The following CNTN3 variants were observed in gnomAD, a reference collection of about 807,000 sequenced individuals.
The protein encoded by CNTN3 is contactin-3.
Under a neutral mutation model 119.1 loss-of-function variants are expected in CNTN3, and 60 were observed. The observed-to-expected ratio is 0.50, with a 90% CI of 0.41 to 0.62. The LOEUF (loss-of-function observed/expected upper bound fraction) is 0.62. Among genes scored for constraint, CNTN3 ranks in the 20% least tolerant of loss-of-function variants. The pLI, the probability that CNTN3 is intolerant of heterozygous loss-of-function variation, is 0.00. For missense variants in CNTN3, 1,101 were observed against 1,242.4 expected, an observed-to-expected ratio of 0.89 and a Z score of 1.71; for synonymous variants, 450 against 438.7, an observed-to-expected ratio of 1.03 and a Z score of -0.32.
chr3:74,294,854 A>G (rs1441224099), intron 19 of CNTN3, among the ~76,000 whole-genome samples: 1 of 152,124 alleles, frequency 6.6e-6, no homozygotes, highest in Non-Finnish European at 1.5e-5. Context: ...CTTATTTTTT[A>G]GTCAACTCAT....
chr3:74,434,383 CTCTTT>C (rs1701833034), intron 4 of CNTN3, among the ~76,000 whole-genome samples: 1 of 152,234 alleles, frequency 6.6e-6, no homozygotes, highest in Admixed American at 6.5e-5. Context: ...GTTTCCATCT[CTCTTT>C]TGTCTTCCTT....
At chr3:74,475,838 G>T (rs1367587005) in intron 4 of CNTN3, among the ~76,000 whole-genome samples, 1 of 152,114 alleles carries the variant, frequency 6.6e-6, no homozygotes, top group Non-Finnish European at 1.5e-5. Flanking sequence ...TGAAACAGTG[G>T]GGTTTCCTCA....
chr3:74,577,738 C>T (rs1169780126), intron 1 of CNTN3, among the ~76,000 whole-genome samples: 1 of 151,960 alleles, frequency 6.6e-6, no homozygotes, highest in Non-Finnish European at 1.5e-5. Flanking sequence ...TCTTGGGTCA[C>T]ATACTAACAT....
Position 74,509,881 on chromosome 3 carries a change from A to G in CNTN3, c.56-10096T>C, listed in dbSNP as rs551064703. 2.6e-5 allele frequency among the ~76,000 whole-genome samples: 4 copies of G among 152,200 alleles called. No homozygotes were observed. In the South Asian group the frequency reaches 6.2e-4, roughly 24 times the overall value. ...ATGTTTGTGTATTTTACTCATCACA[A>G]CATCATTATCCTATAATATATTACA... On this transcript the variant is annotated intron_variant, in intron 2 of 22. Transcript: ENST00000263665.
chr3:74,479,804 A>G (rs777494171), intron 4 of CNTN3, among the ~76,000 whole-genome samples: 38 of 152,042 alleles, frequency 2.5e-4, no homozygotes, highest in Non-Finnish European at 4.3e-4. Flanking sequence ...GAGCACTCTG[A>G]TGGCTCTAGG....
At chr3:74,316,883 G>A (rs906641798) in intron 13 of CNTN3, among the ~76,000 whole-genome samples, 5 of 150,676 alleles carry the variant, frequency 3.3e-5, no homozygotes, top group African/African-American at 7.3e-5. Flanking sequence ...AGCCGAGACC[G>A]CACCACTGCA....
rs142014911 is a variant in CNTN3 at position 74,301,679 on chromosome 3, G to A, written c.1913C>T (p.Pro638Leu). Residue 638 changes from proline (P) to leucine (L), a missense_variant, in exon 15 of 23, where the codon CCT (proline) becomes CTT (leucine). Physicochemically the swap from Pro to Leu is moderately conservative, Grantham distance 98 (BLOSUM62 -3). Coordinates refer to ENST00000263665, the MANE Select transcript of CNTN3 (RefSeq NM_020872.3). ...VISYSIQART[P>L]FSVGWQTVTT... is the part of the protein sequence containing the mutation. Reference sequence around the variant, plus strand: ...GACGGTTTGCCAACCCACGGAGAAAGGTGTCCGAGCCTGGATAGAATAGGA... The same window carrying A: ...GACGGTTTGCCAACCCACGGAGAAAAGTGTCCGAGCCTGGATAGAATAGGA... 1.9e-6 allele frequency: 3 copies of A among 1,613,916 alleles called. No individual in the cohort carries two copies. In the African/African-American group the frequency reaches 4.0e-5, roughly 22 times the overall value.
At chr3:74,409,388 T>A (rs547544809) in intron 5 of CNTN3, among the ~76,000 whole-genome samples, 25 of 152,318 alleles carry the variant, frequency 1.6e-4, no homozygotes, top group African/African-American at 5.5e-4. Context: ...GTTTTCATGA[T>A]CAGCATATAA....
chr3:74,521,160 T>G lies in CNTN3; in HGVS notation c.-48A>C. On this transcript the variant is annotated 5_prime_UTR_variant, in exon 2 of 23. Transcript: ENST00000263665. Reference sequence around the variant, plus strand: ...TAACTCTTGTCCAGTCTCTGATGAATAGAATGCTTTCTCTTCAGGTAAATC... The same window carrying G: ...TAACTCTTGTCCAGTCTCTGATGAAGAGAATGCTTTCTCTTCAGGTAAATC... 1.1e-5 allele frequency: 12 copies of G among 1,119,422 alleles called. No individual in the cohort carries two copies. Among genetic ancestry groups the G allele is most frequent in the African/African-American group, 1.6e-5 (1 of 63,130 alleles). The allele number at this position is 1,119,422 out of a possible 1,614,324, so 69.3% of individuals were successfully genotyped here. A position where few individuals can be genotyped will look rare whatever the true frequency, so the allele number is the denominator to read the frequency against.
At chr3:74,317,094 C>T (rs1289837260) in intron 13 of CNTN3, among the ~76,000 whole-genome samples, 4 of 150,428 alleles carry the variant, frequency 2.7e-5, no homozygotes, top group Non-Finnish European at 4.4e-5. Flanking sequence ...TATGTAATGG[C>T]CTTCTTTGTC....
intron 11 of CNTN3, among the ~76,000 whole-genome samples, chr3:74,341,677 T>G (rs1309372345): frequency 6.6e-6 from 1 of 152,126 alleles, no homozygotes; most frequent in East Asian, 1.9e-4. Context: ...ATGTTGTAAT[T>G]ATAGTGATGG....
intron 19 of CNTN3, among the ~76,000 whole-genome samples, chr3:74,290,355 G>C (rs1318253522): frequency 1.3e-5 from 2 of 152,144 alleles, no homozygotes; most frequent in Non-Finnish European, 2.9e-5. Context: ...AAAAGGTAAA[G>C]TAAAATTGTG....
intron 10 of CNTN3, 91 bp downstream of exon 10, chr3:74,364,376 C>T (rs920824531): frequency 1.7e-6 from 2 of 1,201,334 alleles, no homozygotes; most frequent in Middle Eastern, 2.0e-4. Context: ...GATGTAGGAA[C>T]CTAATGTGAA....
chr3:74,429,652 T>C (rs888658721), intron 4 of CNTN3, among the ~76,000 whole-genome samples: 2 of 152,106 alleles, frequency 1.3e-5, no homozygotes, highest in African/African-American at 4.8e-5. Flanking sequence ...TGCATCAACA[T>C]TTAAAACTTC....
intron 13 of CNTN3, among the ~76,000 whole-genome samples, chr3:74,308,699 C>A: frequency 6.6e-6 from 1 of 152,074 alleles, no homozygotes; most frequent in Admixed American, 6.5e-5. Context: ...TCTGCTGTCC[C>A]AGCAATCTTA....
chr3:74,365,436 A>C (rs1055074583), intron 9 of CNTN3, 130 bp downstream of exon 9: 17 of 1,189,080 alleles, frequency 1.4e-5, no homozygotes, highest in Admixed American at 2.0e-5. Flanking sequence ...GCTTAGAAGT[A>C]AAGGAAAGTG....
chr3:74,335,562 T>C (rs1476047217), intron 12 of CNTN3, among the ~76,000 whole-genome samples: 1 of 152,126 alleles, frequency 6.6e-6, no homozygotes, highest in East Asian at 1.9e-4. Context: ...GACCAAAGTC[T>C]TCAAAAGAGT....
At chr3:74,394,058 G>C (rs1349799893) in intron 5 of CNTN3, among the ~76,000 whole-genome samples, 1 of 152,128 alleles carries the variant, frequency 6.6e-6, no homozygotes, top group Non-Finnish European at 1.5e-5. Flanking sequence ...CATGGGAAAA[G>C]CCAAAAAGAA....
intron 11 of CNTN3, among the ~76,000 whole-genome samples, chr3:74,347,174 T>C (rs1001140920): frequency 1.3e-5 from 2 of 152,160 alleles, no homozygotes; most frequent in Non-Finnish European, 2.9e-5. Flanking sequence ...GTAGGAAATA[T>C]TATGTCATAA....
Sources: allele counts gnomAD v4.1 joint callset (sites outside exome capture counted in the v4.1 genomes callset), GRCh38; gene constraint gnomAD v4.1.1; transcripts MANE v1.5; gene names NCBI Gene and HGNC (gene_info 2026-07-23, HGNC 2026-07-21).